Variants in MPHOSPH6 observed in about 807,000 individuals in gnomAD.
MPHOSPH6 encodes M-phase phosphoprotein 6.
A neutral mutation model predicts 21.8 loss-of-function variants in MPHOSPH6; 25 were observed. The ratio of observed to expected loss-of-function variants is 1.15; its 90% CI spans 0.83 to 1.60. The LOEUF is 1.60. Ranked by LOEUF, MPHOSPH6 falls within the 40% of genes most tolerant of loss-of-function variation. MPHOSPH6 has a pLI of 0.00. For missense variants in MPHOSPH6, 269 were observed against 181.8 expected (o/e 1.48, Z -2.76); for synonymous variants, 84 against 56.5 (o/e 1.49, Z -2.18).
intron 1 of MPHOSPH6, among the ~76,000 whole-genome samples, chr16:82,169,567 CCT>C (rs935162978): frequency 6.6e-6 from 1 of 152,136 alleles, no homozygotes; most frequent in African/African-American, 2.4e-5. Flanking sequence ...AAAAATACCC[CCT>C]CTCTCCATAC....
chr16:82,169,534 C>G (rs559467952), intron 1 of MPHOSPH6, among the ~76,000 whole-genome samples: 3 of 152,318 alleles, frequency 2.0e-5, no homozygotes, highest in Non-Finnish European at 4.4e-5. Context: ...ACTTGCATCT[C>G]CACAGTCGTG....
chr16:82,160,672 C>T (rs987180827), intron 2 of MPHOSPH6, among the ~76,000 whole-genome samples: 12 of 152,168 alleles, frequency 7.9e-5, no homozygotes, highest in Non-Finnish European at 1.5e-4. Flanking sequence ...CCACTGGGTG[C>T]ACAGCATCCA....
At chr16:82,169,962 TA>T in intron 1 of MPHOSPH6, 162 bp downstream of exon 1, 1 of 802,918 alleles carries the variant, frequency 1.2e-6, no homozygotes, top group South Asian at 2.1e-5. Context: ...TGGTTCCCAG[TA>T]AACAGTGCAG....
Position 82,156,822 on chromosome 16 carries a change from T to C in MPHOSPH6, c.165-5308A>G, listed in dbSNP as rs538548143. On this transcript the variant is annotated intron_variant, in intron 2 of 4. Transcript: ENST00000258169. The stretch of plus-strand genomic sequence containing the variant: ...TGCCTCATACCTGTAATCCCAGCAC[T>C]TTGGGTATCCGAGGCCAGCGATCAC... Among the ~76,000 whole-genome samples the C allele has an allele frequency of 5.3e-5, 8 of 152,266 alleles. No individual in the cohort carries two copies. The East Asian group carries it at 1.5e-3, about 29-fold the overall frequency.
At chr16:82,168,472 C>CTCCTTT (rs1555541289) in intron 1 of MPHOSPH6, among the ~76,000 whole-genome samples, 3 of 48,018 alleles carry the variant, frequency 6.2e-5, no homozygotes, top group Non-Finnish European at 1.0e-4. Context: ...TACTCTCTCT[C>CTCCTTT]TTTTTTTTTT....
intron 3 of MPHOSPH6, 121 bp from the exon 4 acceptor site, chr16:82,149,524 A>G (rs1906195419): frequency 5.0e-6 from 4 of 801,392 alleles, no homozygotes; most frequent in Non-Finnish European, 8.5e-6. Flanking sequence ...GTCAAAATTG[A>G]TAAGGGACTC....
chr16:82,159,617 A>T (rs886129005), intron 2 of MPHOSPH6, among the ~76,000 whole-genome samples: 2 of 152,136 alleles, frequency 1.3e-5, no homozygotes, highest in African/African-American at 2.4e-5. Flanking sequence ...CATGTTAACC[A>T]TGATGGTCTC....
chr16:82,161,674 G>C (rs1302826746), intron 2 of MPHOSPH6, among the ~76,000 whole-genome samples: 2 of 152,204 alleles, frequency 1.3e-5, no homozygotes, highest in African/African-American at 2.4e-5. Context: ...AACAGAGAAA[G>C]AAGGATTGGG....
chr16:82,153,408 T>A (rs1355456590), intron 2 of MPHOSPH6, among the ~76,000 whole-genome samples: 1 of 152,098 alleles, frequency 6.6e-6, no homozygotes. Context: ...TCAAATGAAG[T>A]AGACCCCATG....
At chr16:82,158,304 C>T (rs148214405) in intron 2 of MPHOSPH6, among the ~76,000 whole-genome samples, 421 of 149,304 alleles carry the variant, frequency 2.8e-3, no homozygotes, top group Non-Finnish European at 3.4e-3. Context: ...CTGGCTAATA[C>T]GATGAAACCC....
At chr16:82,153,175 T>G (rs748579319) in intron 2 of MPHOSPH6, among the ~76,000 whole-genome samples, 1 of 152,032 alleles carries the variant, frequency 6.6e-6, no homozygotes, top group Non-Finnish European at 1.5e-5. Context: ...GAGGTTACAG[T>G]CTATAGAAAG....
intron 2 of MPHOSPH6, among the ~76,000 whole-genome samples, chr16:82,158,175 G>T (rs537166033): frequency 1.3e-5 from 2 of 151,932 alleles, no homozygotes; most frequent in African/African-American, 4.8e-5. Flanking sequence ...TTCGGTATAC[G>T]AAATTGAAAC....
Position 82,148,845 on chromosome 16 carries a change from C to T in MPHOSPH6, c.369G>A (p.Gly123=). The T allele has an allele frequency of 1.2e-6, 2 of 1,614,108 alleles. No individual in the cohort carries two copies. Among genetic ancestry groups the T allele is most frequent in the Non-Finnish European group, 1.7e-6 (2 of 1,180,020 alleles). ...EMARRYETLV[G]TIGKKFARKR... ...TTCTGGCAAACTTTTTCCCAATTGT[C>T]CCCACCAAGGTCTCATATCTGTCAA... Residue 123 remains glycine, a synonymous_variant, in exon 5 of 5, where the codon GGG becomes GGA. Transcript: ENST00000258169.
intron 2 of MPHOSPH6, among the ~76,000 whole-genome samples, chr16:82,160,780 G>C (rs1906582434): frequency 6.6e-6 from 1 of 152,132 alleles, no homozygotes; most frequent in African/African-American, 2.4e-5. Context: ...TAAGTCCTTT[G>C]TTTCTGATGG....
intron 3 of MPHOSPH6, among the ~76,000 whole-genome samples, chr16:82,150,661 A>C (rs1906236006): frequency 2.0e-5 from 3 of 152,108 alleles, no homozygotes; most frequent in African/African-American, 2.4e-5. Flanking sequence ...TGTGCTACTG[A>C]TATTTAGTTG....
chr16:82,149,698 C>T (rs74739909), intron 3 of MPHOSPH6, among the ~76,000 whole-genome samples: 21,930 of 152,212 alleles, frequency 0.14, 2,235 homozygotes, highest in Admixed American at 0.34. Flanking sequence ...ATACTGCTGA[C>T]ACATTCCGGT....
intron 2 of MPHOSPH6, among the ~76,000 whole-genome samples, chr16:82,161,180 A>G (rs1045538120): frequency 5.3e-5 from 8 of 152,202 alleles, no homozygotes; most frequent in Non-Finnish European, 1.2e-4. Flanking sequence ...CTTTTGTGAA[A>G]TAAAAGTGTA....
intron 2 of MPHOSPH6, among the ~76,000 whole-genome samples, chr16:82,162,555 C>A (rs1906639912): frequency 6.6e-6 from 1 of 152,204 alleles, no homozygotes; most frequent in Non-Finnish European, 1.5e-5. Context: ...TCTCTCTACA[C>A]AACTTATCTG....
intron 2 of MPHOSPH6, among the ~76,000 whole-genome samples, chr16:82,152,411 C>T (rs1221670541): frequency 6.6e-6 from 1 of 152,124 alleles, no homozygotes; most frequent in Admixed American, 6.5e-5. Flanking sequence ...AAGGCTGACC[C>T]TGGATGACTT....
Sources: allele counts gnomAD v4.1 joint callset (sites outside exome capture counted in the v4.1 genomes callset), GRCh38; gene constraint gnomAD v4.1.1; transcripts MANE v1.5; gene names NCBI Gene and HGNC (gene_info 2026-07-23, HGNC 2026-07-21).